PLCE1: variants seen among roughly 807,000 people sequenced by gnomAD.
PLCE1 encodes 1-phosphatidylinositol 4,5-bisphosphate phosphodiesterase epsilon-1.
A neutral mutation model predicts 242.8 loss-of-function variants in PLCE1; 119 were observed. The ratio of observed to expected loss-of-function variants is 0.49; its 90% CI spans 0.42 to 0.57. The LOEUF (loss-of-function observed/expected upper bound fraction) is 0.57, where lower values mean the gene tolerates loss of function less well. PLCE1 is among the 20% of genes least tolerant of loss of function. The probability of loss-of-function intolerance (pLI) is 0.00; values close to 1 mark genes in which losing one functional copy is unlikely to be tolerated. For synonymous variants in PLCE1, 945 were observed against 1,017.4 expected, an observed-to-expected ratio of 0.93 and a Z score of 1.35; for missense variants, 2,441 against 2,788.8, an observed-to-expected ratio of 0.88 and a Z score of 2.81.
rs1433215737 is a variant in PLCE1, at chr10:94,298,444, C to T, written c.5233C>T (p.Leu1745Phe). The change falls in exon 24 of 33, where the codon CTC (leucine) becomes TTC (phenylalanine). Residue 1745 changes from leucine to phenylalanine, a missense_variant. Leu to Phe is a conservative substitution (Grantham distance 22). Transcript: ENST00000371380. This position sits in a 1 kb window ranked among gnomAD's most constrained non-coding sequence, Gnocchi z 5.2. ...TTCCCCTCTCAACCCAACCACGTCC[C>T]TCAGTGCTATCATTAGAACTCCCAA... ...SSSPLNPTTS[L>F]SAIIRTPKCY... The T allele has an allele frequency of 1.2e-6, 2 of 1,613,968 alleles. No homozygotes were observed. Among genetic ancestry groups the T allele is most frequent in the South Asian group, 2.2e-5 (2 of 91,082 alleles).
At chr10:94,178,153 T>A (rs936780518) in intron 4 of PLCE1, among the ~76,000 whole-genome samples, 1 of 152,192 alleles carries the variant, frequency 6.6e-6, no homozygotes, top group Non-Finnish European at 1.5e-5. Context: ...TTCCAGGCAC[T>A]CTTTTGTGTA....
intron 2 of PLCE1, among the ~76,000 whole-genome samples, chr10:94,049,230 G>A (rs970003259): frequency 1.3e-5 from 2 of 152,026 alleles, no homozygotes; most frequent in African/African-American, 2.4e-5. Flanking sequence ...TTTATTAAAT[G>A]TTTTCTCTCT....
At chr10:94,270,372 G>T in intron 17 of PLCE1, 114 bp from the exon 18 acceptor site, 1 of 786,432 alleles carries the variant, frequency 1.3e-6, no homozygotes. Flanking sequence ...AACCATCTTT[G>T]GCCAGAGTCT....
chr10:94,042,811 TA>T (rs1232855288), intron 2 of PLCE1, among the ~76,000 whole-genome samples: 1 of 152,184 alleles, frequency 6.6e-6, no homozygotes, highest in Non-Finnish European at 1.5e-5. Flanking sequence ...AGAAGTTTTA[TA>T]AGTAAGTAAG....
chr10:94,048,103 A>G (rs1303328444), intron 2 of PLCE1, among the ~76,000 whole-genome samples: 1 of 152,124 alleles, frequency 6.6e-6, no homozygotes, highest in Admixed American at 6.6e-5. Flanking sequence ...AGGTTGCTGT[A>G]GTTCATTTGT....
intron 4 of PLCE1, among the ~76,000 whole-genome samples, chr10:94,186,007 G>A (rs2048465738): frequency 6.6e-6 from 1 of 152,138 alleles, no homozygotes; most frequent in South Asian, 2.1e-4. Context: ...GTGAGGATGC[G>A]GCTCGATTTG....
chr10:94,267,042 G>T (rs2051546659), intron 16 of PLCE1, among the ~76,000 whole-genome samples: 1 of 152,048 alleles, frequency 6.6e-6, no homozygotes, highest in African/African-American at 2.4e-5. Flanking sequence ...CTACATACTG[G>T]CCCTCCCTTC....
intron 19 of PLCE1, 189 bp from the exon 20 acceptor site, chr10:94,279,593 A>G (rs2052115202): frequency 1.6e-6 from 1 of 635,070 alleles, no homozygotes; most frequent in Non-Finnish European, 2.8e-6. Context: ...TCCTGTAGGA[A>G]TGCTAACGTT....
intron 5 of PLCE1, among the ~76,000 whole-genome samples, chr10:94,232,694 G>A (rs1299684852): frequency 6.6e-6 from 1 of 152,064 alleles, no homozygotes; most frequent in Non-Finnish European, 1.5e-5. Context: ...GGCCCTTTCT[G>A]CTAGGGTCGC....
rs2053539760 is a variant in PLCE1 at position 94,315,614 on chromosome 10, C to T, written c.6133-933C>T. 8 of 415,892 alleles carry T rather than the reference C, an allele frequency of 1.9e-5. 1 individual carries two copies. The highest frequency in any genetic ancestry group is 7.1e-5 in the South Asian group (4 of 56,250). 25.8% of individuals were successfully genotyped at this position (415,892 alleles called of 1,614,324 possible). A position where few individuals can be genotyped will look rare whatever the true frequency, so the allele number is the denominator to read the frequency against. On this transcript the variant is annotated intron_variant, in intron 28 of 32. Coordinates refer to ENST00000371380, the MANE Select transcript of PLCE1 (RefSeq NM_016341.4). ...TGAAACCCTGTCTCCACTAAAAATA[C>T]AAAGATTAGCCAGGCATGGTGGTGC...
In PLCE1 at chr10:94,318,379, C is replaced by T. The variant is rs150908409; in HGVS notation, c.6342+1623C>T. On this transcript the variant is annotated intron_variant, in intron 29 of 32. Transcript: ENST00000371380. ...ATGTAAAAAGTATGTATCCTCTAAG[C>T]GATGTCAGAAAATCAGTAAATTTGT... Among the ~76,000 whole-genome samples the T allele has an allele frequency of 2.3e-3, 355 of 152,248 alleles. 1 individual carries two copies. Among genetic ancestry groups the T allele is most frequent in the African/African-American group, 8.3e-3 (343 of 41,534 alleles).
chr10:94,305,277 C>CA (rs969669580), intron 25 of PLCE1, among the ~76,000 whole-genome samples: 3 of 151,840 alleles, frequency 2.0e-5, no homozygotes, highest in Admixed American at 6.6e-5. Flanking sequence ...AAAAAAATAA[C>CA]AAAAAAAATT....
chr10:94,142,995 T>C (rs781290542), intron 3 of PLCE1, among the ~76,000 whole-genome samples: 1 of 152,206 alleles, frequency 6.6e-6, no homozygotes, highest in Non-Finnish European at 1.5e-5. Flanking sequence ...TACCCACAAA[T>C]GGAGGAAATG....
chr10:94,285,850 A>C (rs2052425377), intron 22 of PLCE1, among the ~76,000 whole-genome samples: 1 of 152,136 alleles, frequency 6.6e-6, no homozygotes, highest in Admixed American at 6.6e-5. Flanking sequence ...CCGTTTTTAG[A>C]AGTACAGTGG....
At chr10:94,089,013 GTAAAC>G in intron 2 of PLCE1, 1 of 1,477,994 alleles carries the variant, frequency 6.8e-7, no homozygotes, top group East Asian at 2.3e-5. Context: ...TTCAGCTAAT[GTAAAC>G]ACTCATCACC....
intron 2 of PLCE1, among the ~76,000 whole-genome samples, chr10:94,081,424 AG>A (rs1282416492): frequency 4.6e-5 from 7 of 152,216 alleles, no homozygotes; most frequent in African/African-American, 1.7e-4. Context: ...GAGATTGTGA[AG>A]GTATTCTCAT....
chr10:94,197,044 A>G (rs1050226859), intron 4 of PLCE1, among the ~76,000 whole-genome samples: 4 of 152,122 alleles, frequency 2.6e-5, no homozygotes, highest in African/African-American at 4.8e-5. Context: ...TTCTGTCCCA[A>G]TGGATTTGCC....
chr10:94,089,183 A>C, intron 2 of PLCE1: 1 of 1,614,036 alleles, frequency 6.2e-7, no homozygotes, highest in Non-Finnish European at 8.5e-7. Context: ...AAAGGGATTA[A>C]GATTTGGCAC....
intron 5 of PLCE1, among the ~76,000 whole-genome samples, chr10:94,231,138 A>G (rs35417689): frequency 0.22 from 33,624 of 152,208 alleles, 4,139 homozygotes; most frequent in East Asian, 0.3. Context: ...TAGTATCTTT[A>G]TAATCATAAA....
Sources: gnomAD v4.1 joint callset for allele counts (sites outside exome capture counted in the v4.1 genomes callset) on GRCh38, gnomAD v4.1.1 for gene constraint, Gnocchi (gnomAD v3.1) non-coding constraint, MANE v1.5 for transcripts, NCBI Gene and HGNC (gene_info 2026-07-23, HGNC 2026-07-21) for gene names.